The following IKBKE variants were observed in gnomAD, a reference collection of about 807,000 sequenced individuals.
The protein encoded by IKBKE is inhibitor of nuclear factor kappa B kinase subunit epsilon.
IKBKE carries 45 observed loss-of-function variants against 92.1 expected under a neutral mutation model. That is an observed-to-expected ratio of 0.49 (90% CI 0.38 to 0.63). The LOEUF (loss-of-function observed/expected upper bound fraction) is 0.63, where lower values mean the gene tolerates loss of function less well. Among genes scored for constraint, IKBKE ranks in the 20% least tolerant of loss-of-function variants. The probability of loss-of-function intolerance (pLI) is 0.00; values close to 1 mark genes in which losing one functional copy is unlikely to be tolerated. For missense variants in IKBKE, 700 were observed against 932.8 expected (o/e 0.75, Z 3.25); for synonymous variants, 374 against 380.3 (o/e 0.98, Z 0.19).
At position 206,481,566 on chromosome 1, in the gene IKBKE, G is replaced by C. The variant is rs553165186; in HGVS notation, c.1427+1033G>C. Among the ~76,000 whole-genome samples the C allele has an allele frequency of 2.0e-5, 3 of 152,276 alleles. No individual in the cohort carries two copies. In the South Asian group the frequency reaches 6.2e-4, roughly 32 times the overall value. On this transcript the variant is annotated intron_variant, in intron 13 of 21. Transcript: ENST00000581977. ...GGGTTCAGTCAGCAGAACTGCAAGT[G>C]AATCTCCTTTGAGCAGAGCTCTGTC...
Position 206,496,127 on chromosome 1 carries a change from A to G in IKBKE, c.2133A>G (p.Pro711=), listed in dbSNP as rs1666227224. ...NRIIERLNRV[P]APPDV ...TTTCTTGTAGGCTAAATAGAGTCCC[A>G]GCACCTCCTGATGTCTGAGCTCCAT... The change falls in exon 22 of 22, where the codon CCA becomes CCG. Residue 711 remains proline, a synonymous_variant. Transcript: ENST00000581977. The G allele has an allele frequency of 6.2e-7, 1 of 1,613,638 alleles. No individual in the cohort carries two copies. Among genetic ancestry groups the G allele is most frequent in the Non-Finnish European group, 8.5e-7 (1 of 1,179,556 alleles).
chr1:206,474,459 G>A lies in IKBKE; in HGVS notation c.216G>A (p.Ala72=), dbSNP rs148558589. ...LNHQNIVKLF[A]VEETGGSRQK... Reference sequence around the variant, plus strand: ...ACCAGAACATTGTCAAGCTCTTTGCGGTGGAGGAGACGGTAGGTCCGGTGC... The same window carrying A: ...ACCAGAACATTGTCAAGCTCTTTGCAGTGGAGGAGACGGTAGGTCCGGTGC... The change falls in exon 4 of 22, where the codon GCG becomes GCA. Residue 72 remains alanine (A), a synonymous_variant. Transcript: ENST00000581977. 91 of 1,613,408 alleles carry A rather than the reference G, an allele frequency of 5.6e-5. No individual in the cohort carries two copies. Among genetic ancestry groups the A allele is most frequent in the Middle Eastern group, 3.3e-4 (2 of 6,084 alleles).
At chr1:206,475,129 G>C in intron 5 of IKBKE, 135 bp downstream of exon 5, 2 of 920,284 alleles carry the variant, frequency 2.2e-6, no homozygotes, top group East Asian at 5.3e-5. Context: ...ACCTAAAAAA[G>C]ATTGTACACC....
intron 13 of IKBKE, among the ~76,000 whole-genome samples, chr1:206,484,776 C>T (rs1176336624): frequency 1.3e-5 from 2 of 152,176 alleles, no homozygotes; most frequent in Non-Finnish European, 2.9e-5. Context: ...TCTGTCTCAA[C>T]CTTTATTATT....
At chr1:206,482,931 C>A (rs1246945686) in intron 13 of IKBKE, among the ~76,000 whole-genome samples, 2 of 152,262 alleles carry the variant, frequency 1.3e-5, no homozygotes, top group Non-Finnish European at 2.9e-5. Flanking sequence ...AGTGGCCCAC[C>A]TTTGCCCATC....
chr1:206,493,101 C>T lies in IKBKE; in HGVS notation c.1914C>T (p.Val638=). ...VAACNTEAQG[V]QESLSKLLEE... ...CCTGTAACACAGAAGCCCAGGGGGT[C>T]CAGGAGAGTCTCAGCAAGGTGGGCA... is the stretch of plus-strand genomic sequence containing the variant. The change falls in exon 19 of 22, where the codon GTC becomes GTT. Residue 638 remains valine (V), a synonymous_variant. Coordinates refer to ENST00000581977, the MANE Select transcript of IKBKE (RefSeq NM_014002.4). The T allele has an allele frequency of 1.3e-6, 2 of 1,591,296 alleles. No homozygotes were observed. The highest frequency in any genetic ancestry group is 1.7e-6 in the Non-Finnish European group (2 of 1,170,020).
intron 13 of IKBKE, among the ~76,000 whole-genome samples, chr1:206,483,889 T>C (rs1437127123): frequency 6.6e-6 from 1 of 152,204 alleles, no homozygotes; most frequent in East Asian, 1.9e-4. Flanking sequence ...GTTTGTCTTG[T>C]CCTTCTTTCT....
rs1234543815 is a variant in IKBKE at position 206,478,451 on chromosome 1, G to A, written c.992+112G>A. 2.2e-5 allele frequency: 24 copies of A among 1,099,972 alleles called. 1 individual carries two copies. Among genetic ancestry groups the A allele is most frequent in the African/African-American group, 2.2e-4 (14 of 64,722 alleles). 68.1% of individuals were successfully genotyped at this position (1,099,972 alleles called of 1,614,324 possible). A position where few individuals can be genotyped will look rare whatever the true frequency, so the allele number is the denominator to read the frequency against. ...TTCTGAGGAGTGTGTACATAGGAAC[G>A]CTTCCAGGTCCAAACGTAGTTGGGA... On this transcript the variant is annotated intron_variant, in intron 9 of 21. Coordinates refer to ENST00000581977, the MANE Select transcript of IKBKE (RefSeq NM_014002.4). This position sits in a 1 kb window ranked among gnomAD's most constrained non-coding sequence, Gnocchi z 4.8.
chr1:206,477,397 G>A (rs557797137), intron 7 of IKBKE, among the ~76,000 whole-genome samples: 4 of 152,284 alleles, frequency 2.6e-5, no homozygotes, highest in East Asian at 3.9e-4. Flanking sequence ...CATGGATGGG[G>A]GTTGTCAGGG....
chr1:206,471,837 C>T (rs150093076), intron 2 of IKBKE, among the ~76,000 whole-genome samples: 1 of 152,344 alleles, frequency 6.6e-6, no homozygotes, highest in Non-Finnish European at 1.5e-5. Context: ...AAAGATTACA[C>T]AGAGAAAAAG....
At chr1:206,492,937 A>C in intron 18 of IKBKE, 86 bp from the exon 19 acceptor site, 1 of 1,160,456 alleles carries the variant, frequency 8.6e-7, no homozygotes, top group Non-Finnish European at 1.3e-6. Context: ...ACCTGTGTCC[A>C]TGTGTGGATC....
chr1:206,487,918 C>A lies in IKBKE; in HGVS notation c.1621C>A (p.Gln541Lys), dbSNP rs868931365. ...RDQVHEDRSI[Q>K]QIQCCLDKMN... ...GTCCCTGTCTCCTGCCCACAGCATC[C>A]AGCAGATTCAGTGCTGTTTGGACAA... is the stretch of plus-strand genomic sequence containing the variant. The change falls in exon 16 of 22, where the codon CAG becomes AAG. Residue 541 changes from glutamine to lysine, a missense_variant. Gln to Lys is a moderately conservative substitution (Grantham distance 53). Coordinates refer to ENST00000581977, the MANE Select transcript of IKBKE (RefSeq NM_014002.4). This position sits in a 1 kb window ranked among gnomAD's most constrained non-coding sequence, Gnocchi z 5.3. The A allele has an allele frequency of 6.2e-6, 10 of 1,613,304 alleles. No individual in the cohort carries two copies. The Middle Eastern group carries it at 1.5e-3, about 242-fold the overall frequency.
At chr1:206,494,089 A>T in intron 21 of IKBKE, 98 bp downstream of exon 21, 1 of 970,908 alleles carries the variant, frequency 1.0e-6, no homozygotes, top group Non-Finnish European at 1.6e-6. Flanking sequence ...TGCAGGTTTG[A>T]TGACACGTGT....
intron 7 of IKBKE, among the ~76,000 whole-genome samples, chr1:206,477,361 G>T (rs1665123284): frequency 6.6e-6 from 1 of 152,156 alleles, no homozygotes; most frequent in Admixed American, 6.5e-5. Flanking sequence ...ACCTATATCA[G>T]GCCCGCAAAA....
chr1:206,471,928 C>T (rs777192855), intron 2 of IKBKE, among the ~76,000 whole-genome samples: 79 of 152,204 alleles, frequency 5.2e-4, no homozygotes, highest in Non-Finnish European at 1.1e-3. Context: ...ACGAAGATGC[C>T]TTTTCTAGTC....
chr1:206,488,217 C>A (rs2103478132), intron 16 of IKBKE, among the ~76,000 whole-genome samples: 1 of 152,376 alleles, frequency 6.6e-6, no homozygotes, highest in African/African-American at 2.4e-5. Flanking sequence ...GACATGAAAC[C>A]TTTACATGCC....
chr1:206,472,140 C>A (rs1421281196), intron 2 of IKBKE, among the ~76,000 whole-genome samples: 1 of 152,098 alleles, frequency 6.6e-6, no homozygotes, highest in Non-Finnish European at 1.5e-5. Context: ...GTCCTAAGCT[C>A]CTCAGGAGGC....
At chr1:206,475,088 A>T in intron 5 of IKBKE, 94 bp downstream of exon 5, 2 of 1,319,668 alleles carry the variant, frequency 1.5e-6, no homozygotes, top group Non-Finnish European at 2.1e-6. Flanking sequence ...CCTGCTAATC[A>T]TTCCATTTAA....
At chr1:206,484,679 T>C (rs1665564704) in intron 13 of IKBKE, among the ~76,000 whole-genome samples, 1 of 152,240 alleles carries the variant, frequency 6.6e-6, no homozygotes, top group South Asian at 2.1e-4. Flanking sequence ...TCTTTCCCTT[T>C]AGTTACAAAG....
Sources: allele counts gnomAD v4.1 joint callset (sites outside exome capture counted in the v4.1 genomes callset), GRCh38; gene constraint gnomAD v4.1.1; non-coding constraint Gnocchi (gnomAD v3.1); transcripts MANE v1.5; gene names NCBI Gene and HGNC (gene_info 2026-07-23, HGNC 2026-07-21).